Variants in ROBO2 observed in about 807,000 individuals in gnomAD.
ROBO2 encodes the protein roundabout guidance receptor 2, also known as roundabout homolog 2.
Under a neutral mutation model 160.8 loss-of-function variants are expected in ROBO2, and 53 were observed. The observed-to-expected ratio is 0.33, with a 90% CI of 0.26 to 0.41. The LOEUF (loss-of-function observed/expected upper bound fraction) is 0.41. Among genes scored for constraint, ROBO2 ranks in the 10% least tolerant of loss-of-function variants. The pLI, the probability that ROBO2 is intolerant of heterozygous loss-of-function variation, is 1.00. For synonymous variants in ROBO2, 664 were observed against 611.7 expected, an observed-to-expected ratio of 1.09 and a Z score of -1.26; for missense variants, 1,577 against 1,722.4, an observed-to-expected ratio of 0.92 and a Z score of 1.49.
intron 2 of ROBO2, among the ~76,000 whole-genome samples, chr3:76,226,460 C>G (rs1266390027): frequency 6.6e-6 from 1 of 152,068 alleles, no homozygotes; most frequent in Non-Finnish European, 1.5e-5. Context: ...AGAATTGTCA[C>G]ATATTTCTGT....
chr3:77,454,953 C>G (rs940729183), intron 2 of ROBO2, among the ~76,000 whole-genome samples: 1 of 152,086 alleles, frequency 6.6e-6, no homozygotes, highest in African/African-American at 2.4e-5. Flanking sequence ...TTTAGTCTAC[C>G]ATCTCCTGGG....
chr3:77,527,403 C>T lies in ROBO2; in HGVS notation c.934+4501C>T, dbSNP rs760837576. On this transcript the variant is annotated intron_variant, in intron 6 of 25. Transcript: ENST00000461745. ...CACCACACCATTGTAATGTCTACAG[C>T]TCGCCCTGTTGGTAAGTAGCCATCC... 4.7e-6 allele frequency: 6 copies of T among 1,287,902 alleles called. No individual in the cohort carries two copies. In the South Asian group the frequency reaches 4.9e-5, roughly 11 times the overall value. The allele number at this position is 1,287,902 out of a possible 1,614,324, so 79.8% of individuals were successfully genotyped here.
At chr3:76,809,435 G>A (rs1283028213) in intron 2 of ROBO2, among the ~76,000 whole-genome samples, 1 of 152,120 alleles carries the variant, frequency 6.6e-6, no homozygotes, top group Non-Finnish European at 1.5e-5. Context: ...CAGTAAGGGA[G>A]AAAAGCCTCT....
chr3:76,486,840 G>A (rs2079523878), intron 2 of ROBO2, among the ~76,000 whole-genome samples: 2 of 152,112 alleles, frequency 1.3e-5, no homozygotes, highest in African/African-American at 4.8e-5. Context: ...TAAGGCCTAT[G>A]AGGTTTCCTT....
Position 77,602,052 on chromosome 3 carries a change from G to A in ROBO2, c.2855-158G>A, listed in dbSNP as rs375185213. The stretch of plus-strand genomic sequence containing the variant: ...CTGTCACTGAGGCTGATAGCTTGGC[G>A]ATGGTTGTATATCATCTACCCTTCA... On this transcript the variant is annotated intron_variant, in intron 19 of 25. Transcript: ENST00000461745. Among the ~76,000 whole-genome samples the A allele has an allele frequency of 7.2e-5, 11 of 152,338 alleles. No homozygotes were observed. The East Asian group carries it at 1.2e-3, about 16-fold the overall frequency.
intron 2 of ROBO2, among the ~76,000 whole-genome samples, chr3:77,427,332 G>A (rs1042695173): frequency 3.3e-5 from 5 of 152,162 alleles, no homozygotes; most frequent in African/African-American, 1.2e-4. Flanking sequence ...AGTGTTGTAA[G>A]CACTTGATGT....
intron 2 of ROBO2, among the ~76,000 whole-genome samples, chr3:76,141,890 T>A (rs2071682803): frequency 6.6e-6 from 1 of 152,004 alleles, no homozygotes; most frequent in African/African-American, 2.4e-5. Flanking sequence ...TTTGCCAACT[T>A]TTTTATCCCC....
intron 2 of ROBO2, among the ~76,000 whole-genome samples, chr3:76,697,086 A>C (rs1355406058): frequency 6.6e-6 from 1 of 152,166 alleles, no homozygotes; most frequent in African/African-American, 2.4e-5. Flanking sequence ...GTGCAATGTA[A>C]ATCCACATTT....
chr3:76,307,501 A>G (rs913551744), intron 2 of ROBO2, among the ~76,000 whole-genome samples: 2 of 151,408 alleles, frequency 1.3e-5, no homozygotes, highest in African/African-American at 4.9e-5. Flanking sequence ...GTGGTGAGGA[A>G]TTTTATTCTG....
chr3:77,222,755 G>A (rs1017500), intron 2 of ROBO2, among the ~76,000 whole-genome samples: 4,198 of 152,232 alleles, frequency 0.028, 67 homozygotes, highest in Middle Eastern at 0.055. Flanking sequence ...AGACAGAATG[G>A]TGATATGTCC....
intron 2 of ROBO2, among the ~76,000 whole-genome samples, chr3:77,315,748 A>G (rs2063925557): frequency 2.0e-5 from 3 of 152,214 alleles, no homozygotes; most frequent in Non-Finnish European, 4.4e-5. Context: ...TTTTAGAATA[A>G]TAAGAGTGAC....
At chr3:76,878,773 G>C (rs11919175) in intron 2 of ROBO2, among the ~76,000 whole-genome samples, 3,944 of 152,182 alleles carry the variant, frequency 0.026, 103 homozygotes, top group African/African-American at 0.061. Flanking sequence ...AATTAGATTA[G>C]AGCTGTAAGT....
intron 2 of ROBO2, among the ~76,000 whole-genome samples, chr3:77,384,523 C>A (rs2073898599): frequency 6.6e-6 from 1 of 152,150 alleles, no homozygotes; most frequent in African/African-American, 2.4e-5. Flanking sequence ...CTTTTAGAAA[C>A]AATTGAATGA....
intron 1 of ROBO2, among the ~76,000 whole-genome samples, chr3:75,923,933 A>G (rs1947172695): frequency 6.6e-6 from 1 of 152,208 alleles, no homozygotes; most frequent in African/African-American, 2.4e-5. Flanking sequence ...TAATATTTTA[A>G]AAAGGCCATC....
At chr3:76,913,733 G>A (rs866073804) in intron 2 of ROBO2, among the ~76,000 whole-genome samples, 3 of 152,032 alleles carry the variant, frequency 2.0e-5, no homozygotes, top group South Asian at 2.1e-4. Context: ...TCTTTCTAGC[G>A]AATAATACTC....
chr3:76,019,801 T>G (rs539457), intron 2 of ROBO2, among the ~76,000 whole-genome samples: 137,646 of 150,822 alleles, frequency 0.91, 63,660 homozygotes, highest in East Asian at 0.99. Context: ...TCCCCACATG[T>G]TTAGGTTTTC....
intron 2 of ROBO2, among the ~76,000 whole-genome samples, chr3:76,574,326 C>T (rs970291070): frequency 2.0e-5 from 3 of 151,980 alleles, no homozygotes; most frequent in African/African-American, 7.2e-5. Flanking sequence ...TTATAAAGCT[C>T]TTATTACTTA....
At chr3:76,326,402 G>A (rs1476473118) in intron 2 of ROBO2, among the ~76,000 whole-genome samples, 1 of 152,062 alleles carries the variant, frequency 6.6e-6, no homozygotes, top group Admixed American at 6.5e-5. Flanking sequence ...ATAAATGGAT[G>A]AGTGTGTTTG....
chr3:76,921,881 A>G (rs1036010604), intron 2 of ROBO2, among the ~76,000 whole-genome samples: 1 of 152,158 alleles, frequency 6.6e-6, no homozygotes, highest in African/African-American at 2.4e-5. Context: ...ATTATCCAGC[A>G]TTTTTGTCTT....
Sources: gnomAD v4.1 joint callset for allele counts (sites outside exome capture counted in the v4.1 genomes callset) on GRCh38, gnomAD v4.1.1 for gene constraint, MANE v1.5 for transcripts, NCBI Gene and HGNC (gene_info 2026-07-23, HGNC 2026-07-21) for gene names.